DENND5B: variants seen among roughly 807,000 people sequenced by gnomAD.
DENND5B encodes the protein DENN domain-containing protein 5B.
A neutral mutation model predicts 140.6 loss-of-function variants in DENND5B; 34 were observed. The ratio of observed to expected loss-of-function variants is 0.24; its 90% CI spans 0.18 to 0.32. The LOEUF is 0.32. Ranked by LOEUF, DENND5B falls within the 10% of genes least tolerant of loss-of-function variation. The pLI, the probability that DENND5B is intolerant of heterozygous loss-of-function variation, is 1.00. For synonymous variants in DENND5B, 551 were observed against 562.1 expected, an observed-to-expected ratio of 0.98 and a Z score of 0.28; for missense variants, 1,142 against 1,560.2, an observed-to-expected ratio of 0.73 and a Z score of 4.52.
chr12:31,392,527 A>AT, intron 18 of DENND5B, 87 bp downstream of exon 18: 1 of 1,521,272 alleles, frequency 6.6e-7, no homozygotes, highest in Non-Finnish European at 8.8e-7. Flanking sequence ...ACAAATGAAA[A>AT]TTCAAGCACC....
At chr12:31,439,575 T>C (rs932241153) in intron 7 of DENND5B, among the ~76,000 whole-genome samples, 1 of 152,044 alleles carries the variant, frequency 6.6e-6, no homozygotes, top group African/African-American at 2.4e-5. Context: ...AGTCCTCACA[T>C]ATAGTAAGAG....
intron 3 of DENND5B, among the ~76,000 whole-genome samples, chr12:31,474,029 CT>C (rs1455458583): frequency 4.6e-5 from 7 of 152,204 alleles, no homozygotes; most frequent in Non-Finnish European, 1.0e-4. Context: ...ATGATGTCCA[CT>C]TGAGCATGCC....
intron 2 of DENND5B, among the ~76,000 whole-genome samples, chr12:31,483,068 C>G (rs540074509): frequency 2.0e-5 from 3 of 152,204 alleles, no homozygotes; most frequent in Non-Finnish European, 4.4e-5. Flanking sequence ...TCAAAATCTG[C>G]TCTTCCCTTT....
At chr12:31,564,136 A>G (rs143045236) in intron 1 of DENND5B, among the ~76,000 whole-genome samples, 2 of 152,310 alleles carry the variant, frequency 1.3e-5, no homozygotes, top group African/African-American at 4.8e-5. Context: ...AAAGAAAATG[A>G]ATGTTACTAT....
intron 15 of DENND5B, among the ~76,000 whole-genome samples, 173 bp from the exon 16 acceptor site, chr12:31,399,945 C>T (rs939217871): frequency 5.3e-5 from 8 of 152,294 alleles, no homozygotes; most frequent in Non-Finnish European, 1.0e-4. Context: ...TCTCAGGGAG[C>T]TCCCACATAA....
At chr12:31,498,741 G>C (rs1166682290) in intron 1 of DENND5B, among the ~76,000 whole-genome samples, 1 of 152,096 alleles carries the variant, frequency 6.6e-6, no homozygotes, top group Admixed American at 6.5e-5. Context: ...GGGAGGCTGA[G>C]GCAGGTGGAT....
chr12:31,393,099 G>C (rs1941234644), intron 17 of DENND5B, among the ~76,000 whole-genome samples: 2 of 152,280 alleles, frequency 1.3e-5, no homozygotes, highest in South Asian at 4.1e-4. Flanking sequence ...AAGCAAGGTT[G>C]AGAAGTCCCA....
chr12:31,590,502 CGGTGG>C, intron 1 of DENND5B, 199 bp downstream of exon 1: 1 of 594,840 alleles, frequency 1.7e-6, no homozygotes, highest in Non-Finnish European at 2.6e-6. Context: ...GCGAAAGCCC[CGGTGG>C]GCGCAGCCGC....
intron 1 of DENND5B, among the ~76,000 whole-genome samples, chr12:31,502,538 A>C (rs1012735425): frequency 6.6e-6 from 1 of 152,184 alleles, no homozygotes; most frequent in South Asian, 2.1e-4. Context: ...AGAGTGTAAA[A>C]ACTTCTGAAT....
chr12:31,428,302 A>G (rs1421103064), intron 8 of DENND5B, among the ~76,000 whole-genome samples: 2 of 151,506 alleles, frequency 1.3e-5, no homozygotes, highest in African/African-American at 4.8e-5. Context: ...AGATCGTGCC[A>G]TCGCACTCCA....
chr12:31,490,251 G>A (rs946233268), intron 2 of DENND5B, among the ~76,000 whole-genome samples: 8 of 151,268 alleles, frequency 5.3e-5, no homozygotes, highest in Non-Finnish European at 1.2e-4. Context: ...GAGGATGGGG[G>A]TGGCGGGGGC....
chr12:31,582,377 G>A (rs1248647586), intron 1 of DENND5B, among the ~76,000 whole-genome samples: 2 of 152,136 alleles, frequency 1.3e-5, no homozygotes, highest in Admixed American at 1.3e-4. Context: ...TCTAACTGCT[G>A]TACTCACTGC....
At chr12:31,531,874 T>C (rs1038955075) in intron 1 of DENND5B, among the ~76,000 whole-genome samples, 1 of 152,212 alleles carries the variant, frequency 6.6e-6, no homozygotes, top group African/African-American at 2.4e-5. Context: ...GAGATACTTG[T>C]AGGCTACTTA....
intron 1 of DENND5B, among the ~76,000 whole-genome samples, chr12:31,547,274 T>C (rs1360077245): frequency 6.6e-6 from 1 of 152,238 alleles, no homozygotes; most frequent in Non-Finnish European, 1.5e-5. Flanking sequence ...TCAATAATTA[T>C]CAATAGTTTA....
intron 8 of DENND5B, among the ~76,000 whole-genome samples, chr12:31,428,657 T>C (rs1943358696): frequency 6.6e-6 from 1 of 152,100 alleles, no homozygotes; most frequent in Admixed American, 6.6e-5. Flanking sequence ...AACCTCCGCC[T>C]TCCAGGTTCA....
intron 1 of DENND5B, among the ~76,000 whole-genome samples, chr12:31,560,422 G>C (rs542949434): frequency 4.6e-5 from 7 of 152,160 alleles, no homozygotes; most frequent in Admixed American, 3.3e-4. Context: ...TCCAGAAATT[G>C]ACTACATCTC....
At chr12:31,582,733 C>T (rs1950247304) in intron 1 of DENND5B, among the ~76,000 whole-genome samples, 1 of 152,150 alleles carries the variant, frequency 6.6e-6, no homozygotes, top group Non-Finnish European at 1.5e-5. Flanking sequence ...ATAGTGTCGC[C>T]TTTAATATCT....
chr12:31,519,264 CTTGAAAACACTGCATGACTTGTCTTT>C (rs1334397988), intron 1 of DENND5B, among the ~76,000 whole-genome samples: 9 of 152,178 alleles, frequency 5.9e-5, no homozygotes, highest in East Asian at 1.9e-4. Flanking sequence ...ACTCTCTGAA[CTTGAAAACACTGCATGACTTGTCTTT>C]TTGAAAACAC....
chr12:31,422,442 TAAAA>T (rs960209692), intron 11 of DENND5B, among the ~76,000 whole-genome samples: 2 of 128,906 alleles, frequency 1.6e-5, no homozygotes, highest in African/African-American at 5.9e-5. Flanking sequence ...AAATAAAAAT[TAAAA>T]AAAAAAATAG....
Sources: gnomAD v4.1 joint callset for allele counts (sites outside exome capture counted in the v4.1 genomes callset) on GRCh38, gnomAD v4.1.1 for gene constraint, MANE v1.5 for transcripts, NCBI Gene and HGNC (gene_info 2026-07-23, HGNC 2026-07-21) for gene names.